Variants in NXPH1 observed in about 807,000 individuals in gnomAD.
NXPH1 encodes the protein neurexophilin 1.
NXPH1 carries 5 observed loss-of-function variants against 23.7 expected under a neutral mutation model. The observed-to-expected ratio is 0.21, with a 90% CI of 0.11 to 0.44. The LOEUF (loss-of-function observed/expected upper bound fraction) is 0.44, where lower values mean the gene tolerates loss of function less well. Ranked by LOEUF, NXPH1 falls within the 20% of genes least tolerant of loss-of-function variation. NXPH1 has a pLI of 0.99. For missense variants in NXPH1, 324 were observed against 321.6 expected (o/e 1.01, Z -0.06); for synonymous variants, 144 against 122.2 (o/e 1.18, Z -1.18).
At chr7:8,490,502 T>C (rs907775019) in intron 2 of NXPH1, among the ~76,000 whole-genome samples, 2 of 152,020 alleles carry the variant, frequency 1.3e-5, no homozygotes, top group Admixed American at 1.3e-4. Flanking sequence ...GAAAGGAGTA[T>C]AGTTTTCATT....
At chr7:8,480,714 A>G (rs979922529) in intron 2 of NXPH1, among the ~76,000 whole-genome samples, 1 of 152,138 alleles carries the variant, frequency 6.6e-6, no homozygotes, top group East Asian at 1.9e-4. Context: ...TAATTTATCC[A>G]TCTATCGTGT....
At chr7:8,589,914 G>T (rs59575675) in intron 2 of NXPH1, among the ~76,000 whole-genome samples, 44,429 of 151,872 alleles carry the variant, frequency 0.29, 7,538 homozygotes, top group African/African-American at 0.46. Flanking sequence ...AAAATAAAAT[G>T]AAATTCAATT....
At chr7:8,567,370 AC>A (rs1818564700) in intron 2 of NXPH1, among the ~76,000 whole-genome samples, 1 of 151,924 alleles carries the variant, frequency 6.6e-6, no homozygotes, top group African/African-American at 2.4e-5. Context: ...TAAATACTGC[AC>A]CTAAGAACTA....
chr7:8,714,340 A>G (rs1266924643), intron 2 of NXPH1, among the ~76,000 whole-genome samples: 2 of 151,424 alleles, frequency 1.3e-5, no homozygotes, highest in Non-Finnish European at 2.9e-5. Flanking sequence ...TCAGGGAAGT[A>G]TGCTTCCCTC....
intron 2 of NXPH1, among the ~76,000 whole-genome samples, chr7:8,456,232 G>A (rs940919049): frequency 6.6e-6 from 1 of 152,030 alleles, no homozygotes; most frequent in African/African-American, 2.4e-5. Flanking sequence ...TACTAAGGAG[G>A]GCCTTACCTA....
chr7:8,488,469 C>G (rs1817197694), intron 2 of NXPH1, among the ~76,000 whole-genome samples: 1 of 152,100 alleles, frequency 6.6e-6, no homozygotes, highest in Non-Finnish European at 1.5e-5. Context: ...TAAAGCTAAT[C>G]TTATAGAAAT....
At chr7:8,544,639 G>T (rs1399518381) in intron 2 of NXPH1, among the ~76,000 whole-genome samples, 5 of 151,458 alleles carry the variant, frequency 3.3e-5, no homozygotes, top group Non-Finnish European at 7.4e-5. Flanking sequence ...TGATTTTACG[G>T]CTTTTGTATT....
At chr7:8,721,197 T>C (rs1779963730) in intron 2 of NXPH1, among the ~76,000 whole-genome samples, 1 of 152,146 alleles carries the variant, frequency 6.6e-6, no homozygotes, top group African/African-American at 2.4e-5. Flanking sequence ...GGGCATGGTG[T>C]CTCAAAGTTA....
chr7:8,692,687 G>A (rs150665460), intron 2 of NXPH1, among the ~76,000 whole-genome samples: 1 of 152,140 alleles, frequency 6.6e-6, no homozygotes, highest in Non-Finnish European at 1.5e-5. Context: ...CATATTGACT[G>A]GGTGCTTTGT....
chr7:8,531,101 A>G (rs549669207), intron 2 of NXPH1, among the ~76,000 whole-genome samples: 65 of 152,294 alleles, frequency 4.3e-4, no homozygotes, highest in African/African-American at 1.3e-3. Flanking sequence ...TCTGAAACCC[A>G]TCAAGATTCT....
chr7:8,482,299 T>C (rs1452081788), intron 2 of NXPH1, among the ~76,000 whole-genome samples: 1 of 152,180 alleles, frequency 6.6e-6, no homozygotes. Flanking sequence ...CCTCAGTGAA[T>C]GAAATGAGGG....
chr7:8,514,983 C>T (rs538735531), intron 2 of NXPH1, among the ~76,000 whole-genome samples: 5 of 152,178 alleles, frequency 3.3e-5, no homozygotes, highest in African/African-American at 1.2e-4. Flanking sequence ...TACTTAGTGC[C>T]TTTTCTCCCT....
intron 2 of NXPH1, among the ~76,000 whole-genome samples, chr7:8,702,822 A>T (rs1448885157): frequency 6.6e-6 from 1 of 152,148 alleles, no homozygotes; most frequent in Non-Finnish European, 1.5e-5. Context: ...ATGTGATAAG[A>T]GTAAAACTTA....
At chr7:8,704,003 G>C (rs2115191531) in intron 2 of NXPH1, among the ~76,000 whole-genome samples, 1 of 152,210 alleles carries the variant, frequency 6.6e-6, no homozygotes, top group East Asian at 1.9e-4. Context: ...TTATATTCTA[G>C]AATGAATGAA....
At chr7:8,538,565 C>G (rs761044676) in intron 2 of NXPH1, among the ~76,000 whole-genome samples, 1 of 151,866 alleles carries the variant, frequency 6.6e-6, no homozygotes, top group Non-Finnish European at 1.5e-5. Context: ...GACATTATGT[C>G]AAGTACTTGG....
At chr7:8,483,776 A>G (rs1470014704) in intron 2 of NXPH1, among the ~76,000 whole-genome samples, 1 of 152,144 alleles carries the variant, frequency 6.6e-6, no homozygotes, top group East Asian at 1.9e-4. Context: ...GAAAATTTGA[A>G]AACCACTAGA....
At chr7:8,450,506 T>C (rs1816488870) in intron 2 of NXPH1, among the ~76,000 whole-genome samples, 1 of 152,254 alleles carries the variant, frequency 6.6e-6, no homozygotes. Flanking sequence ...TATAGAATTA[T>C]TCAGTCTATG....
At position 8,668,982 on chromosome 7, in the gene NXPH1, G is replaced by A. The variant is rs540486540; in HGVS notation, c.55-82026G>A. Among the ~76,000 whole-genome samples, 305 of 152,082 alleles carry A rather than the reference G, an allele frequency of 2.0e-3. 1 individual carries two copies. Among genetic ancestry groups the A allele is most frequent in the Non-Finnish European group, 3.5e-3 (235 of 67,972 alleles). ...ATGAAGCCTGGGTCCTCTGGGGTTG[G>A]CCTGGAGCATGGGTGTGTGAGTGCT... On this transcript the variant is annotated intron_variant, in intron 2 of 2. Coordinates refer to ENST00000405863, the MANE Select transcript of NXPH1 (RefSeq NM_152745.3).
In NXPH1 at chr7:8,471,255, C is replaced by T. The variant is rs2882179; in HGVS notation, c.54+35488C>T. On this transcript the variant is annotated intron_variant, in intron 2 of 2. Coordinates refer to ENST00000405863, the MANE Select transcript of NXPH1 (RefSeq NM_152745.3). ...TAAGGCAGAGATCAGGCCAATGTGG[C>T]GGTACTCTACAAGAAAAGCTGTGCT... is the stretch of plus-strand genomic sequence containing the variant. Among the ~76,000 whole-genome samples the T allele has an allele frequency of 1.3e-3, 195 of 152,136 alleles. 1 individual carries two copies. The highest frequency in any genetic ancestry group is 4.3e-3 in the African/African-American group (177 of 41,502).
Sources: gnomAD v4.1 joint callset for allele counts (sites outside exome capture counted in the v4.1 genomes callset) on GRCh38, gnomAD v4.1.1 for gene constraint, MANE v1.5 for transcripts, NCBI Gene and HGNC (gene_info 2026-07-23, HGNC 2026-07-21) for gene names.